The following ZRANB3 variants were observed in gnomAD, a reference collection of about 807,000 sequenced individuals.
ZRANB3 encodes DNA annealing helicase and endonuclease ZRANB3.
Under a neutral mutation model 133.8 loss-of-function variants are expected in ZRANB3, and 125 were observed. That is an observed-to-expected ratio of 0.93 (90% CI 0.81 to 1.08). ZRANB3 has a LOEUF of 1.08. ZRANB3 is among the 50% of genes least tolerant of loss of function. ZRANB3 has a pLI of 0.00. For synonymous variants in ZRANB3, 387 were observed against 432.7 expected (o/e 0.89, Z 1.31); for missense variants, 1,229 against 1,275.5 (o/e 0.96, Z 0.56).
At chr2:135,261,601 G>A (rs1679968219) in intron 12 of ZRANB3, among the ~76,000 whole-genome samples, 1 of 151,910 alleles carries the variant, frequency 6.6e-6, no homozygotes, top group Admixed American at 6.6e-5. Context: ...AGTAAAATTT[G>A]GTATGGGTGA....
chr2:135,498,310 T>C (rs1394095936), intron 2 of ZRANB3, among the ~76,000 whole-genome samples: 1 of 152,204 alleles, frequency 6.6e-6, no homozygotes, highest in East Asian at 1.9e-4. Context: ...GAAGATTTCA[T>C]GGACATTTAT....
intron 3 of ZRANB3, among the ~76,000 whole-genome samples, chr2:135,356,860 A>G (rs1412919650): frequency 6.6e-6 from 1 of 152,042 alleles, no homozygotes; most frequent in Non-Finnish European, 1.5e-5. Flanking sequence ...ATGTGCCACC[A>G]TGCCCAGCTA....
rs761723399 is a variant in ZRANB3 at position 135,230,795 on chromosome 2, T to G, written c.1672A>C (p.Lys558Gln). ...TCGATGATATCTCTTGCAGCTGTTT[T>G]TGTAGGGTCTGATGACACTACAGTA... ...ENTVVSSDPT[K>Q]TAARDIIDYE... is the part of the protein sequence containing the mutation. Residue 558 changes from lysine to glutamine, a missense_variant, in exon 13 of 21, where the codon AAA (lysine) becomes CAA (glutamine). Lys to Gln is a moderately conservative substitution (Grantham distance 53). Coordinates refer to ENST00000264159, the MANE Select transcript of ZRANB3 (RefSeq NM_032143.4). 1.9e-6 allele frequency: 3 copies of G among 1,613,840 alleles called. No homozygotes were observed. The highest frequency in any genetic ancestry group is 8.5e-7 in the Non-Finnish European group (1 of 1,179,896).
intron 17 of ZRANB3, among the ~76,000 whole-genome samples, chr2:135,216,403 GCC>G (rs1694313004): frequency 6.6e-6 from 1 of 152,032 alleles, no homozygotes; most frequent in Non-Finnish European, 1.5e-5. Flanking sequence ...GGCTTTCTCT[GCC>G]AATGCTGCCA....
chr2:135,365,170 G>A (rs1000253576), intron 3 of ZRANB3, among the ~76,000 whole-genome samples: 6 of 152,202 alleles, frequency 3.9e-5, no homozygotes, highest in Non-Finnish European at 8.8e-5. Context: ...GGGAGGCTGA[G>A]GCAGGGGAAT....
At chr2:135,453,646 C>T (rs552220332) in intron 2 of ZRANB3, among the ~76,000 whole-genome samples, 1 of 152,312 alleles carries the variant, frequency 6.6e-6, no homozygotes, top group African/African-American at 2.4e-5. Context: ...TAACAAGAGT[C>T]ACCTTTGCTC....
At chr2:135,413,778 C>A (rs562688646) in intron 2 of ZRANB3, among the ~76,000 whole-genome samples, 1 of 152,166 alleles carries the variant, frequency 6.6e-6, no homozygotes, top group East Asian at 1.9e-4. Flanking sequence ...CTCTACAAGC[C>A]AGAAGAGAGT....
rs763467082 is a variant in ZRANB3, at chr2:135,224,431, T to C, written c.2245A>G (p.Thr749Ala). 2 of 1,611,924 alleles carry C rather than the reference T, an allele frequency of 1.2e-6. No homozygotes were observed. The highest frequency in any genetic ancestry group is 2.2e-5 in the South Asian group (2 of 90,676). ...SRNTDRIHIY[T>A]KDGKQMSCNF... Reference sequence around the variant, plus strand: ...AGAATCTGCATGACGCTTACCTTAGTATAGATGTGAATCCGGTCAGTATTC... The same window carrying C: ...AGAATCTGCATGACGCTTACCTTAGCATAGATGTGAATCCGGTCAGTATTC... Residue 749 changes from threonine (T) to alanine (A), a missense_variant, in exon 15 of 21, where the codon ACT becomes GCT. Coordinates refer to ENST00000264159, the MANE Select transcript of ZRANB3 (RefSeq NM_032143.4).
chr2:135,242,959 A>G (rs1014870966), intron 12 of ZRANB3, among the ~76,000 whole-genome samples: 2 of 151,810 alleles, frequency 1.3e-5, no homozygotes, highest in Non-Finnish European at 2.9e-5. Context: ...AGCTCATTAC[A>G]TTGTCTCTGT....
At chr2:135,421,179 G>T (rs1345561121) in intron 2 of ZRANB3, among the ~76,000 whole-genome samples, 2 of 152,100 alleles carry the variant, frequency 1.3e-5, no homozygotes, top group African/African-American at 2.4e-5. Context: ...TTGAAACAAA[G>T]AATATAATTT....
At chr2:135,353,247 C>T (rs1345208501) in intron 4 of ZRANB3, 1 of 304,474 alleles carries the variant, frequency 3.3e-6, no homozygotes, top group African/African-American at 2.2e-5. Context: ...TAAAAATATA[C>T]CATAAAGGAA....
chr2:135,509,387 C>T (rs1371997693), intron 1 of ZRANB3, among the ~76,000 whole-genome samples: 1 of 152,040 alleles, frequency 6.6e-6, no homozygotes, highest in African/African-American at 2.4e-5. Context: ...ATAATGTTAA[C>T]GGAAGACATA....
At chr2:135,487,394 C>T (rs76842007) in intron 2 of ZRANB3, among the ~76,000 whole-genome samples, 14 of 152,214 alleles carry the variant, frequency 9.2e-5, no homozygotes, top group Non-Finnish European at 2.1e-4. Flanking sequence ...ACCAGCTGCA[C>T]TAGCCCCTAA....
intron 2 of ZRANB3, among the ~76,000 whole-genome samples, chr2:135,494,877 C>CA (rs1301810090): frequency 5.3e-5 from 8 of 152,014 alleles, no homozygotes; most frequent in Middle Eastern, 3.2e-3. Flanking sequence ...TCATATTGAA[C>CA]AAAAAACATG....
At chr2:135,528,956 A>G (rs1694276379) in intron 1 of ZRANB3, among the ~76,000 whole-genome samples, 1 of 152,244 alleles carries the variant, frequency 6.6e-6, no homozygotes. Context: ...TAAACATACA[A>G]AATGTGACTA....
intron 2 of ZRANB3, among the ~76,000 whole-genome samples, chr2:135,460,212 GTTTAA>G (rs1308966292): frequency 6.6e-6 from 1 of 151,616 alleles, no homozygotes; most frequent in Non-Finnish European, 1.5e-5. Flanking sequence ...GTGACTTTTA[GTTTAA>G]TTTTTCTGTT....
At chr2:135,330,901 T>C (rs1684108749) in intron 6 of ZRANB3, among the ~76,000 whole-genome samples, 1 of 152,180 alleles carries the variant, frequency 6.6e-6, no homozygotes, top group South Asian at 2.1e-4. Context: ...TGATATCCCT[T>C]TTATCATTTT....
chr2:135,435,408 G>T (rs1689489644), intron 2 of ZRANB3, among the ~76,000 whole-genome samples: 1 of 152,172 alleles, frequency 6.6e-6, no homozygotes, highest in Non-Finnish European at 1.5e-5. Context: ...GTGCATTTAG[G>T]TTGATTCCAT....
intron 2 of ZRANB3, among the ~76,000 whole-genome samples, chr2:135,445,744 CG>C (rs1689991720): frequency 6.7e-6 from 1 of 148,956 alleles, no homozygotes; most frequent in African/African-American, 2.5e-5. Context: ...GGTGCAGTGG[CG>C]GGTGCCTGTA....
Sources: gnomAD v4.1 joint callset for allele counts (sites outside exome capture counted in the v4.1 genomes callset) on GRCh38, gnomAD v4.1.1 for gene constraint, MANE v1.5 for transcripts, NCBI Gene and HGNC (gene_info 2026-07-23, HGNC 2026-07-21) for gene names.